Variants in ROBO1 observed in about 807,000 individuals in gnomAD.
The protein encoded by ROBO1 is roundabout homolog 1.
Under a neutral mutation model 195.9 loss-of-function variants are expected in ROBO1, and 149 were observed. The observed-to-expected ratio is 0.76, with a 90% confidence interval of 0.67 to 0.87. The LOEUF (loss-of-function observed/expected upper bound fraction) is 0.87. Among genes scored for constraint, ROBO1 ranks in the 40% least tolerant of loss-of-function variants. The pLI, the probability that ROBO1 is intolerant of heterozygous loss-of-function variation, is 0.00. For synonymous variants in ROBO1, 816 were observed against 733.2 expected, an observed-to-expected ratio of 1.11 and a Z score of -1.82; for missense variants, 1,933 against 2,068.3, an observed-to-expected ratio of 0.93 and a Z score of 1.27.
intron 4 of ROBO1, among the ~76,000 whole-genome samples, chr3:78,903,080 G>A (rs951477929): frequency 1.3e-5 from 2 of 151,958 alleles, no homozygotes; most frequent in Non-Finnish European, 2.9e-5. Flanking sequence ...CAATTTAATA[G>A]GGCAAACAGA....
At chr3:79,359,324 T>A (rs767059353) in intron 2 of ROBO1, among the ~76,000 whole-genome samples, 6 of 152,180 alleles carry the variant, frequency 3.9e-5, no homozygotes, top group Non-Finnish European at 8.8e-5. Flanking sequence ...CTTTCTACTT[T>A]CTTTCTGTCA....
At chr3:79,610,861 A>G (rs1368745806) in intron 1 of ROBO1, among the ~76,000 whole-genome samples, 1 of 152,098 alleles carries the variant, frequency 6.6e-6, no homozygotes, top group Non-Finnish European at 1.5e-5. Context: ...GTATCATGGA[A>G]AATAAGAACT....
At chr3:78,631,723 A>AAT (rs199524500) in intron 24 of ROBO1, among the ~76,000 whole-genome samples, 1,861 of 152,318 alleles carry the variant, frequency 0.012, 23 homozygotes, top group Non-Finnish European at 0.02. Context: ...TAAATCACTG[A>AAT]ATATATATAA....
chr3:78,753,916 A>C (rs1055439883), intron 4 of ROBO1, among the ~76,000 whole-genome samples: 2 of 152,178 alleles, frequency 1.3e-5, no homozygotes, highest in Non-Finnish European at 2.9e-5. Flanking sequence ...TAACCTATAA[A>C]TGATAGATTT....
At chr3:79,084,803 C>T (rs2079338319) in intron 3 of ROBO1, among the ~76,000 whole-genome samples, 1 of 152,020 alleles carries the variant, frequency 6.6e-6, no homozygotes, top group African/African-American at 2.4e-5. Flanking sequence ...CAGTGTCCAG[C>T]ACACAAGAGG....
chr3:78,782,013 T>A (rs1227080212), intron 4 of ROBO1, among the ~76,000 whole-genome samples: 1 of 152,182 alleles, frequency 6.6e-6, no homozygotes, highest in Admixed American at 6.5e-5. Flanking sequence ...GTTTTCATAC[T>A]GGTCTTTTTT....
intron 1 of ROBO1, among the ~76,000 whole-genome samples, chr3:79,691,966 A>C (rs1198240378): frequency 1.3e-5 from 2 of 151,912 alleles, no homozygotes; most frequent in African/African-American, 2.4e-5. Context: ...TGCCTTTATC[A>C]AGTGTATCTT....
intron 3 of ROBO1, among the ~76,000 whole-genome samples, chr3:79,080,093 T>C (rs1286811346): frequency 6.6e-6 from 1 of 151,774 alleles, no homozygotes; most frequent in Non-Finnish European, 1.5e-5. Context: ...TTCATAAAAG[T>C]GTTACAGGGT....
intron 4 of ROBO1, among the ~76,000 whole-genome samples, chr3:78,867,363 A>G (rs2035246286): frequency 6.6e-6 from 1 of 152,204 alleles, no homozygotes; most frequent in South Asian, 2.1e-4. Flanking sequence ...CTAAGAATAC[A>G]GGAAATTGAA....
At chr3:79,454,234 G>GA (rs1464031602) in intron 2 of ROBO1, among the ~76,000 whole-genome samples, 1 of 147,680 alleles carries the variant, frequency 6.8e-6, no homozygotes, top group Non-Finnish European at 1.5e-5. Flanking sequence ...ATTACATGAA[G>GA]AAAAAAATAG....
At chr3:79,031,735 G>A (rs1183629426) in intron 3 of ROBO1, among the ~76,000 whole-genome samples, 2 of 152,112 alleles carry the variant, frequency 1.3e-5, no homozygotes, top group South Asian at 2.1e-4. Context: ...TATTATTATT[G>A]TGATTTCATC....
At chr3:78,675,240 G>A (rs551983211) in intron 10 of ROBO1, among the ~76,000 whole-genome samples, 9 of 151,916 alleles carry the variant, frequency 5.9e-5, no homozygotes, top group Admixed American at 3.9e-4. Context: ...CGTGAGCGAC[G>A]CAGAAGATGG....
At chr3:78,708,693 A>T (rs747245173) in intron 8 of ROBO1, among the ~76,000 whole-genome samples, 27 of 152,290 alleles carry the variant, frequency 1.8e-4, no homozygotes, top group Admixed American at 5.2e-4. Context: ...GCTGTTTAAA[A>T]ACGTGGCAGG....
chr3:78,711,669 G>C (rs915320983), intron 8 of ROBO1, among the ~76,000 whole-genome samples: 2 of 149,164 alleles, frequency 1.3e-5, no homozygotes, highest in Non-Finnish European at 3.0e-5. Context: ...TTGTATTTTT[G>C]GTAGAAATGG....
chr3:78,640,717 G>A (rs951279728), intron 21 of ROBO1, among the ~76,000 whole-genome samples: 1 of 152,162 alleles, frequency 6.6e-6, no homozygotes, highest in Non-Finnish European at 1.5e-5. Context: ...TGGAGTTGAA[G>A]AGTGGGATTC....
intron 1 of ROBO1, among the ~76,000 whole-genome samples, chr3:79,618,235 T>C (rs1944888191): frequency 6.6e-6 from 1 of 152,112 alleles, no homozygotes; most frequent in Non-Finnish European, 1.5e-5. Flanking sequence ...AAATTTGGTC[T>C]AGATAAGGAT....
chr3:79,230,346 AC>A (rs2082297127), intron 2 of ROBO1, among the ~76,000 whole-genome samples: 1 of 152,066 alleles, frequency 6.6e-6, no homozygotes, highest in African/African-American at 2.4e-5. Flanking sequence ...CTTATATAAA[AC>A]CACAATTTCT....
intron 2 of ROBO1, among the ~76,000 whole-genome samples, chr3:79,334,375 T>A (rs1007217420): frequency 1.4e-5 from 2 of 147,516 alleles, no homozygotes; most frequent in Non-Finnish European, 3.0e-5. Flanking sequence ...TATATATATT[T>A]TATATATATA....
intron 2 of ROBO1, among the ~76,000 whole-genome samples, chr3:79,265,769 G>C (rs373486803): frequency 6.6e-6 from 1 of 151,298 alleles, no homozygotes; most frequent in East Asian, 1.9e-4. Flanking sequence ...TTACCTTTTA[G>C]AATAATCATG....
Sources: gnomAD v4.1 joint callset for allele counts (sites outside exome capture counted in the v4.1 genomes callset) on GRCh38, gnomAD v4.1.1 for gene constraint, MANE v1.5 for transcripts, NCBI Gene and HGNC (gene_info 2026-07-23, HGNC 2026-07-21) for gene names.